The following PCDHA11 variants were observed in gnomAD, a reference collection of about 807,000 sequenced individuals.
The protein encoded by PCDHA11 is protocadherin alpha 11.
A neutral mutation model predicts 70.3 loss-of-function variants in PCDHA11; 61 were observed. The observed-to-expected ratio is 0.87, with a 90% CI of 0.71 to 1.07. The LOEUF (loss-of-function observed/expected upper bound fraction) is 1.07. Ranked by LOEUF, PCDHA11 falls within the 50% of genes least tolerant of loss-of-function variation. The probability of loss-of-function intolerance (pLI) is 0.00; values close to 1 mark genes in which losing one functional copy is unlikely to be tolerated. For missense variants in PCDHA11, 1,324 were observed against 1,237.5 expected, an observed-to-expected ratio of 1.07 and a Z score of -1.05; for synonymous variants, 633 against 555.1, an observed-to-expected ratio of 1.14 and a Z score of -1.97.
At chr5:140,958,406 G>A (rs576536874) in intron 1 of PCDHA11, among the ~76,000 whole-genome samples, 2 of 152,204 alleles carry the variant, frequency 1.3e-5, no homozygotes, top group African/African-American at 4.8e-5. Context: ...CATTATCACT[G>A]ATGCTTGGAA....
chr5:140,884,176 T>G, intron 1 of PCDHA11: 1 of 1,613,372 alleles, frequency 6.2e-7, no homozygotes, highest in Non-Finnish European at 8.5e-7. Flanking sequence ...CGACGCGCCC[T>G]CTGGACGAGG....
At chr5:140,976,143 A>G (rs2096703250) in intron 1 of PCDHA11, among the ~76,000 whole-genome samples, 1 of 152,236 alleles carries the variant, frequency 6.6e-6, no homozygotes, top group South Asian at 2.1e-4. Flanking sequence ...GATGAAACTC[A>G]TGTACATTTT....
Position 140,869,211 on chromosome 5 carries a change from G to A in PCDHA11, c.108G>A (p.Ser36=), listed in dbSNP as rs375218342. The part of the protein sequence containing the change: ...VGSGQLHYSV[S]EEAKHGTFVG... ...GCGGCCAGCTCCACTACTCCGTCTCGGAGGAGGCCAAACACGGCACCTTCG... is the reference window on the plus strand; with the variant it reads ...GCGGCCAGCTCCACTACTCCGTCTCAGAGGAGGCCAAACACGGCACCTTCG... The change falls in exon 1 of 4, where the codon TCG becomes TCA. Residue 36 remains serine (S), a synonymous_variant. Transcript: ENST00000398640. 1.2e-6 allele frequency: 2 copies of A among 1,613,956 alleles called. No individual in the cohort carries two copies. The highest frequency in any genetic ancestry group is 1.7e-5 in the Admixed American group (1 of 60,024).
intron 3 of PCDHA11, among the ~76,000 whole-genome samples, chr5:141,001,134 T>A (rs370176335): frequency 4.7e-4 from 72 of 152,158 alleles, no homozygotes; most frequent in African/African-American, 1.7e-3. Context: ...AACAAATGAA[T>A]CTTCTGTTGC....
Position 140,918,450 on chromosome 5 carries a change from G to A in PCDHA11, c.2391+46956G>A, listed in dbSNP as rs7725108. On this transcript the variant is annotated intron_variant, in intron 1 of 3. Transcript: ENST00000398640. ...TGTTGAATAGGAGTGGTGACAGTGGGCATCCTTGTCTTATTCCAAGTCTCA... is the reference window on the plus strand; with the variant it reads ...TGTTGAATAGGAGTGGTGACAGTGGACATCCTTGTCTTATTCCAAGTCTCA... Among the ~76,000 whole-genome samples, 323 of 152,246 alleles carry A rather than the reference G, an allele frequency of 2.1e-3. 2 individuals carry two copies. The highest frequency in any genetic ancestry group is 7.4e-3 in the African/African-American group (306 of 41,540).
At chr5:140,955,233 T>A (rs1554221819) in intron 1 of PCDHA11, among the ~76,000 whole-genome samples, 1 of 152,198 alleles carries the variant, frequency 6.6e-6, no homozygotes, top group African/African-American at 2.4e-5. Flanking sequence ...TTTGTTCTTT[T>A]GCTTAGGATC....
At chr5:140,903,614 T>C (rs1583498055) in intron 1 of PCDHA11, among the ~76,000 whole-genome samples, 1 of 152,204 alleles carries the variant, frequency 6.6e-6, no homozygotes, top group Non-Finnish European at 1.5e-5. Flanking sequence ...TACACATGAA[T>C]GTGCATGCAT....
chr5:140,928,128 A>C (rs782708968), intron 1 of PCDHA11: 1 of 1,614,194 alleles, frequency 6.2e-7, no homozygotes, highest in Admixed American at 1.7e-5. Context: ...GTGAATACCA[A>C]GTCCTGATCA....
intron 1 of PCDHA11, 167 bp from the exon 2 acceptor site, chr5:140,978,782 A>T (rs782295456): frequency 3.1e-5 from 30 of 971,664 alleles, no homozygotes; most frequent in Non-Finnish European, 3.7e-5. Context: ...TTTTCTTCTA[A>T]AGTGCTATAT....
Position 140,979,705 on chromosome 5 carries a change from G to A in PCDHA11, c.2450+698G>A, listed in dbSNP as rs138804576. Among the ~76,000 whole-genome samples, 597 of 152,336 alleles carry A rather than the reference G, an allele frequency of 3.9e-3. 4 individuals carry two copies. The highest frequency in any genetic ancestry group is 0.014 in the African/African-American group (562 of 41,570). On this transcript the variant is annotated intron_variant, in intron 2 of 3. Coordinates refer to ENST00000398640, the MANE Select transcript of PCDHA11 (RefSeq NM_018902.5). ...ATTAACTACCATTATTTCTGGAGGT[G>A]ATCCAGTATCCATGCCATGGGGCCA... is the stretch of plus-strand genomic sequence containing the variant.
chr5:140,875,744 A>G, intron 1 of PCDHA11: 2 of 1,614,206 alleles, frequency 1.2e-6, no homozygotes, highest in Non-Finnish European at 1.7e-6. Flanking sequence ...TCTCGGATCG[A>G]CCGCGAGAAG....
intron 1 of PCDHA11, among the ~76,000 whole-genome samples, chr5:140,956,551 C>G (rs995941205): frequency 1.3e-5 from 2 of 152,148 alleles, no homozygotes; most frequent in Non-Finnish European, 2.9e-5. Flanking sequence ...ATTTGGTTTG[C>G]CAGTATCTTA....
At chr5:140,937,228 G>A (rs920892612) in intron 1 of PCDHA11, among the ~76,000 whole-genome samples, 1 of 151,718 alleles carries the variant, frequency 6.6e-6, no homozygotes, top group Admixed American at 6.6e-5. Context: ...TTGTAGAGAC[G>A]GGGTTTCACC....
intron 1 of PCDHA11, chr5:140,877,040 T>C (rs1252847205): frequency 5.0e-6 from 8 of 1,612,450 alleles, no homozygotes; most frequent in Non-Finnish European, 5.1e-6. Context: ...CTGCAGCCGC[T>C]AGACCACGAG....
chr5:140,883,668 A>G (rs782191858), intron 1 of PCDHA11: 16 of 1,613,456 alleles, frequency 9.9e-6, no homozygotes, highest in Non-Finnish European at 1.4e-5. Flanking sequence ...GTGAAGGAAA[A>G]CAATCCGCCG....
rs56843453 is a variant in PCDHA11 at position 141,000,391 on chromosome 5, C to A, written c.2540-9236C>A. Reference sequence around the variant, plus strand: ...TCTCTCTCTCTCTCTCTCTCTCTCTCTCTCTATATATATATATATATATAT... The same window carrying A: ...TCTCTCTCTCTCTCTCTCTCTCTCTATCTCTATATATATATATATATATAT... On this transcript the variant is annotated intron_variant, in intron 3 of 3. Transcript: ENST00000398640. Among the ~76,000 whole-genome samples the A allele has an allele frequency of 8.6e-3, 487 of 56,544 alleles. 1 individual carries two copies. Among genetic ancestry groups the A allele is most frequent in the Non-Finnish European group, 9.4e-3 (310 of 32,842 alleles). The allele number at this position is 56,544 out of a possible 152,430, so 37.1% of individuals were successfully genotyped here.
In PCDHA11 at chr5:140,915,928, T is replaced by C. The variant is rs141949892; in HGVS notation, c.2391+44434T>C. ...CAGGCCCAGAGATGCTACTTGGGAG[T>C]CAGGGATTGGAGTCAAAATACTTAG... On this transcript the variant is annotated intron_variant, in intron 1 of 3. Coordinates refer to ENST00000398640, the MANE Select transcript of PCDHA11 (RefSeq NM_018902.5). Among the ~76,000 whole-genome samples the C allele has an allele frequency of 8.0e-3, 1,213 of 151,944 alleles. 5 individuals carry two copies. The highest frequency in any genetic ancestry group is 0.019 in the African/African-American group (783 of 41,424).
Position 141,011,440 on chromosome 5 carries a change from T to G in PCDHA11, c.*1503T>G, listed in dbSNP as rs2098420601. 1 of 153,808 alleles carries G rather than the reference T, an allele frequency of 6.5e-6. No individual in the cohort carries two copies. Among genetic ancestry groups the G allele is most frequent in the Admixed American group, 6.5e-5 (1 of 15,282 alleles). 9.5% of individuals were successfully genotyped at this position (153,808 alleles called of 1,614,324 possible). A position where few individuals can be genotyped will look rare whatever the true frequency, so the allele number is the denominator to read the frequency against. Reference sequence around the variant, plus strand: ...ATGTTAATGCAACTATTACCTAGAGTGAACTTTAAGCTTTATTGTTGAATG... The same window carrying G: ...ATGTTAATGCAACTATTACCTAGAGGGAACTTTAAGCTTTATTGTTGAATG... On this transcript the variant is annotated 3_prime_UTR_variant, in exon 4 of 4. Transcript: ENST00000398640.
chr5:140,907,252 A>C (rs1459023391), intron 1 of PCDHA11, among the ~76,000 whole-genome samples: 3 of 152,152 alleles, frequency 2.0e-5, no homozygotes, highest in African/African-American at 7.2e-5. Flanking sequence ...TGTAATTGTG[A>C]CTTCAAAAGG....
Sources: gnomAD v4.1 joint callset for allele counts (sites outside exome capture counted in the v4.1 genomes callset) on GRCh38, gnomAD v4.1.1 for gene constraint, MANE v1.5 for transcripts, NCBI Gene and HGNC (gene_info 2026-07-23, HGNC 2026-07-21) for gene names.